IGSF21: variants seen among roughly 807,000 people sequenced by gnomAD.
IGSF21 encodes the protein immunoglobin superfamily member 21.
A neutral mutation model predicts 46.8 loss-of-function variants in IGSF21; 28 were observed. The observed-to-expected ratio is 0.60, with a 90% CI of 0.44 to 0.82. The LOEUF is 0.82. IGSF21 is among the 40% of genes least tolerant of loss of function. The pLI is 0.00. For missense variants in IGSF21, 624 were observed against 665.5 expected, an observed-to-expected ratio of 0.94 and a Z score of 0.69; for synonymous variants, 284 against 273.6, an observed-to-expected ratio of 1.04 and a Z score of -0.38.
intron 1 of IGSF21, among the ~76,000 whole-genome samples, chr1:18,227,282 G>T (rs542586029): frequency 2.0e-5 from 3 of 152,164 alleles, no homozygotes; most frequent in Admixed American, 2.0e-4. Flanking sequence ...TTTTTACCAG[G>T]AGTCATTTGT....
intron 2 of IGSF21, among the ~76,000 whole-genome samples, chr1:18,230,979 C>T (rs1025332474): frequency 2.0e-5 from 3 of 151,754 alleles, no homozygotes; most frequent in South Asian, 2.1e-4. Flanking sequence ...GTTTTCTGTA[C>T]GTGTGTTTGC....
intron 4 of IGSF21, among the ~76,000 whole-genome samples, chr1:18,351,566 C>T (rs779221214): frequency 2.0e-5 from 3 of 152,178 alleles, no homozygotes; most frequent in East Asian, 1.9e-4. Flanking sequence ...GGGGGGAGGA[C>T]GGACGAGCAA....
rs550594991 is a variant in IGSF21 at position 18,200,688 on chromosome 1, C to T, written c.71-27210C>T. Among the ~76,000 whole-genome samples the T allele has an allele frequency of 1.2e-4, 19 of 152,304 alleles. No homozygotes were observed. In the South Asian group the frequency reaches 3.7e-3, roughly 30 times the overall value. ...GCAAAGACCCTATTTCCAAATGAGG[C>T]CACAGTTACAGGTGTAGGGCTTAGG... On this transcript the variant is annotated intron_variant, in intron 1 of 9. Coordinates refer to ENST00000251296, the MANE Select transcript of IGSF21 (RefSeq NM_032880.5).
At chr1:18,175,762 C>G (rs2086789036) in intron 1 of IGSF21, among the ~76,000 whole-genome samples, 1 of 152,242 alleles carries the variant, frequency 6.6e-6, no homozygotes, top group Non-Finnish European at 1.5e-5. Flanking sequence ...AGCTAATGAG[C>G]CAGAGCCATG....
At chr1:18,316,847 G>C in intron 3 of IGSF21, among the ~76,000 whole-genome samples, 1 of 152,164 alleles carries the variant, frequency 6.6e-6, no homozygotes, top group South Asian at 2.1e-4. Context: ...ACAGCGCCTG[G>C]TACATACCAA....
At chr1:18,368,692 C>T (rs1055558166) in intron 6 of IGSF21, among the ~76,000 whole-genome samples, 3 of 152,146 alleles carry the variant, frequency 2.0e-5, no homozygotes, top group African/African-American at 7.2e-5. Flanking sequence ...GCCTCTTCCT[C>T]CCCTGACAGA....
chr1:18,221,718 C>T (rs767268106), intron 1 of IGSF21, among the ~76,000 whole-genome samples: 23 of 152,176 alleles, frequency 1.5e-4, no homozygotes, highest in Non-Finnish European at 2.4e-4. Context: ...ATCCACTTCT[C>T]GATACCGCGC....
chr1:18,338,043 A>T (rs1222871636), intron 4 of IGSF21, among the ~76,000 whole-genome samples: 1 of 152,084 alleles, frequency 6.6e-6, no homozygotes, highest in Non-Finnish European at 1.5e-5. Context: ...CATCGACCAC[A>T]TGGGCCTGGG....
chr1:18,350,609 T>C (rs1186074182), intron 4 of IGSF21, among the ~76,000 whole-genome samples: 1 of 152,022 alleles, frequency 6.6e-6, no homozygotes, highest in Non-Finnish European at 1.5e-5. Flanking sequence ...GGTTTGGAAA[T>C]TTGCAGAGTC....
chr1:18,322,659 G>A lies in IGSF21; in HGVS notation c.306-12233G>A, dbSNP rs1165203815. Among the ~76,000 whole-genome samples the A allele has an allele frequency of 6.6e-6, 1 of 152,108 alleles. No homozygotes were observed. The highest frequency in any genetic ancestry group is 1.5e-5 in the Non-Finnish European group (1 of 68,042). On this transcript the variant is annotated intron_variant, in intron 3 of 9. Coordinates refer to ENST00000251296, the MANE Select transcript of IGSF21 (RefSeq NM_032880.5). The surrounding 1 kb of genome is among the most constrained non-coding windows in gnomAD (Gnocchi z 4.3). ...CACGCCCCCTGCCTGCCAGTCCTGG[G>A]ATGGCGTCGGGTGAAGGTAGGAAAA...
At chr1:18,377,566 G>A in intron 9 of IGSF21, 135 bp downstream of exon 9, 2 of 751,442 alleles carry the variant, frequency 2.7e-6, no homozygotes, top group East Asian at 2.5e-5. Flanking sequence ...TTGCCCTCTA[G>A]TAGGGCAGAG....
chr1:18,157,143 A>C (rs1351207478), intron 1 of IGSF21, among the ~76,000 whole-genome samples: 1 of 152,160 alleles, frequency 6.6e-6, no homozygotes, highest in Non-Finnish European at 1.5e-5. Flanking sequence ...AGAAAGAAAA[A>C]AAAAAGAGAC....
chr1:18,258,361 T>C (rs1171420336), intron 2 of IGSF21, among the ~76,000 whole-genome samples: 1 of 152,204 alleles, frequency 6.6e-6, no homozygotes, highest in Admixed American at 6.5e-5. Context: ...GAGAAGGGAC[T>C]CAGTAACCAC....
chr1:18,373,274 A>G (rs1302513141), intron 6 of IGSF21, among the ~76,000 whole-genome samples: 1 of 152,202 alleles, frequency 6.6e-6, no homozygotes, highest in Non-Finnish European at 1.5e-5. Context: ...CTCTTTCTCT[A>G]CGTCCAGGGC....
intron 4 of IGSF21, among the ~76,000 whole-genome samples, chr1:18,341,475 CCT>C (rs1322090455): frequency 1.3e-5 from 2 of 152,154 alleles, no homozygotes; most frequent in Admixed American, 1.3e-4. Flanking sequence ...ACCAAGATTC[CCT>C]GTCTGACTCT....
At chr1:18,327,852 T>C (rs2085672679) in intron 3 of IGSF21, among the ~76,000 whole-genome samples, 1 of 152,134 alleles carries the variant, frequency 6.6e-6, no homozygotes, top group Non-Finnish European at 1.5e-5. Flanking sequence ...AAATGCTGAG[T>C]AGGTACAATT....
intron 3 of IGSF21, among the ~76,000 whole-genome samples, chr1:18,297,435 G>T (rs1328400347): frequency 1.3e-5 from 2 of 149,548 alleles, no homozygotes; most frequent in Non-Finnish European, 2.9e-5. Context: ...GAGATAAAGT[G>T]GTGAACAAGA....
At chr1:18,216,744 G>A (rs765343787) in intron 1 of IGSF21, among the ~76,000 whole-genome samples, 8 of 151,918 alleles carry the variant, frequency 5.3e-5, no homozygotes, top group East Asian at 1.9e-4. Flanking sequence ...CCCTTTTTTC[G>A]GCCAACAAGG....
chr1:18,111,148 C>T (rs375003287), intron 1 of IGSF21: 1 of 152,228 alleles, frequency 6.6e-6, no homozygotes, highest in African/African-American at 2.4e-5. Flanking sequence ...CCTTCACACG[C>T]CCCCTTCCCA....
Sources: gnomAD v4.1 joint callset for allele counts (sites outside exome capture counted in the v4.1 genomes callset) on GRCh38, gnomAD v4.1.1 for gene constraint, Gnocchi (gnomAD v3.1) non-coding constraint, MANE v1.5 for transcripts, NCBI Gene and HGNC (gene_info 2026-07-23, HGNC 2026-07-21) for gene names.